The following ZNF727 variants were observed in gnomAD, a reference collection of about 807,000 sequenced individuals.
ZNF727 encodes putative zinc finger protein 727.
A neutral mutation model predicts 11.5 loss-of-function variants in ZNF727; 11 were observed. The observed-to-expected ratio is 0.95, with a 90% CI of 0.60 to 1.58. The LOEUF is 1.58. Among genes scored for constraint, ZNF727 ranks in the 40% most tolerant of loss-of-function variants. The probability of loss-of-function intolerance (pLI) is 0.00; values close to 1 mark genes in which losing one functional copy is unlikely to be tolerated. For synonymous variants in ZNF727, 171 were observed against 196.1 expected (o/e 0.87, Z 1.07); for missense variants, 533 against 581.7 (o/e 0.92, Z 0.86).
rs1447831074 is a variant in ZNF727 at position 64,082,060 on chromosome 7, C to G, written c.*3511C>G. On this transcript the variant is annotated 3_prime_UTR_variant, in exon 4 of 4. Transcript: ENST00000456806. ...CCCATGGAGGATGGACTGGCCCTCT[C>G]TCCTTGGGTAAACTACAGCTCGTTT... Among the ~76,000 whole-genome samples, 1 of 152,126 alleles carries G rather than the reference C, an allele frequency of 6.6e-6. No homozygotes were observed. Among genetic ancestry groups the G allele is most frequent in the Admixed American group, 6.5e-5 (1 of 15,268 alleles).
chr7:64,069,476 C>T lies in ZNF727; in HGVS notation c.131-38C>T, dbSNP rs1002842645. ...AGTACTAGATTGGTAATCAGATTAT[C>T]CTAGCAAGAGTCATGTTATTTTTTT... On this transcript the variant is annotated intron_variant, in intron 2 of 3. Coordinates refer to ENST00000456806, the MANE Select transcript of ZNF727 (RefSeq NM_001159522.3). The T allele has an allele frequency of 7.5e-6, 11 of 1,465,022 alleles. No homozygotes were observed. The East Asian group carries it at 2.7e-4, about 36-fold the overall frequency. 90.8% of individuals were successfully genotyped at this position (1,465,022 alleles called of 1,614,324 possible). A position where few individuals can be genotyped will look rare whatever the true frequency, so the allele number is the denominator to read the frequency against.
chr7:64,050,382 A>G (rs1473362807), intron 1 of ZNF727, among the ~76,000 whole-genome samples: 1 of 152,152 alleles, frequency 6.6e-6, no homozygotes, highest in Non-Finnish European at 1.5e-5. Context: ...CTGTTTACCC[A>G]CAACTTCCGG....
In ZNF727 at chr7:64,078,607, T is replaced by C; in HGVS notation, c.*58T>C. ...GAATGTGGAAAAGCTTTTACGTGGA[T>C]CTTGGCCCTTAGTAAACACAAGAGA... On this transcript the variant is annotated 3_prime_UTR_variant, in exon 4 of 4. Coordinates refer to ENST00000456806, the MANE Select transcript of ZNF727 (RefSeq NM_001159522.3). 1 of 1,513,576 alleles carries C rather than the reference T, an allele frequency of 6.6e-7. No homozygotes were observed. The highest frequency in any genetic ancestry group is 9.1e-7 in the Non-Finnish European group (1 of 1,103,510). The allele number at this position is 1,513,576 out of a possible 1,614,324, so 93.8% of individuals were successfully genotyped here. A position where few individuals can be genotyped will look rare whatever the true frequency, so the allele number is the denominator to read the frequency against.
Position 64,045,462 on chromosome 7 carries a change from C to T in ZNF727, c.-160C>T. ...CTCTTCAATATGGCAAGGCCTTCGT[C>T]TCCTAGCTTCTAGGCTCTGAGTCCA... is the stretch of plus-strand genomic sequence containing the variant. On this transcript the variant is annotated 5_prime_UTR_variant, in exon 1 of 4. Coordinates refer to ENST00000456806, the MANE Select transcript of ZNF727 (RefSeq NM_001159522.3). The T allele has an allele frequency of 9.5e-7, 1 of 1,049,058 alleles. No individual in the cohort carries two copies. The highest frequency in any genetic ancestry group is 1.4e-6 in the Non-Finnish European group (1 of 692,240). The allele number at this position is 1,049,058 out of a possible 1,614,324, so 65.0% of individuals were successfully genotyped here.
chr7:64,061,178 A>G (rs934143233), intron 1 of ZNF727, among the ~76,000 whole-genome samples: 3 of 152,134 alleles, frequency 2.0e-5, no homozygotes, highest in African/African-American at 4.8e-5. Context: ...GTAAATATCT[A>G]TTAGGTCTAT....
rs1465868085 is a variant in ZNF727, at chr7:64,067,417, A to G, written c.4-1474A>G. ...TACCCAAAGGATTATAAATTATTCT[A>G]CTATAAAGGCACATGCACATGTATG... On this transcript the variant is annotated intron_variant, in intron 1 of 3. Coordinates refer to ENST00000456806, the MANE Select transcript of ZNF727 (RefSeq NM_001159522.3). Among the ~76,000 whole-genome samples the G allele has an allele frequency of 3.3e-5, 5 of 152,162 alleles. 1 individual carries two copies. The South Asian group carries it at 6.2e-4, about 19-fold the overall frequency.
At position 64,078,464 on chromosome 7, in the gene ZNF727, G is replaced by A. The variant is rs1202561148; in HGVS notation, c.1415G>A (p.Arg472Lys). 7 of 1,570,968 alleles carry A rather than the reference G, an allele frequency of 4.5e-6. 1 individual carries two copies. Among genetic ancestry groups the A allele is most frequent in the South Asian group, 2.3e-5 (2 of 86,208 alleles). ...TCSSSLIKHKRSHTGDRPTSA... is the reference protein window; with the variant it reads ...TCSSSLIKHKKSHTGDRPTSA... ...TCCTCAAGCCTTATTAAACACAAGA[G>A]AAGTCATACTGGAGACAGACCTACA... Residue 472 changes from arginine (R) to lysine (K), a missense_variant, in exon 4 of 4, where the codon AGA becomes AAA. Physicochemically the swap from Arg to Lys is conservative, Grantham distance 26. This residue lies in a region of ZNF727 where 54 missense variants were observed against 48.6 expected (regional missense o/e 1.11). Transcript: ENST00000456806.
At chr7:64,046,679 C>T (rs1562788557) in intron 1 of ZNF727, among the ~76,000 whole-genome samples, 1 of 152,230 alleles carries the variant, frequency 6.6e-6, no homozygotes, top group Non-Finnish European at 1.5e-5. Flanking sequence ...CCAGTTAATC[C>T]TCTTTCTTAT....
At chr7:64,060,802 T>A (rs1245180854) in intron 1 of ZNF727, among the ~76,000 whole-genome samples, 6 of 152,182 alleles carry the variant, frequency 3.9e-5, no homozygotes, top group South Asian at 2.1e-4. Flanking sequence ...AGTTTTTTTT[T>A]AAACTTTTTT....
chr7:64,084,774 CTG>C lies in ZNF727; in HGVS notation c.*6227_*6228del, dbSNP rs1230806668. Among the ~76,000 whole-genome samples the C allele has an allele frequency of 1.3e-5, 2 of 152,038 alleles. No individual in the cohort carries two copies. The highest frequency in any genetic ancestry group is 1.9e-4 in the East Asian group (1 of 5,198). ...TCAATTTAAATATACAAATGTATCA[CTG>C]TAAAATAAACTTTAAGTGTAACAGA... On this transcript the variant is annotated 3_prime_UTR_variant, in exon 4 of 4. Transcript: ENST00000456806.
rs755762796 is a variant in ZNF727, at chr7:64,078,058, G to A, written c.1009G>A (p.Glu337Lys). 1.2e-6 allele frequency: 2 copies of A among 1,611,092 alleles called. No individual in the cohort carries two copies. The highest frequency in any genetic ancestry group is 2.7e-5 in the African/African-American group (2 of 74,704). ...TCAACATAACAGAATTCATACTGGA[G>A]AGAAACCCTACATTTGTGAAGAATG... ...LSQHNRIHTGEKPYICEECGK... is the reference protein window; with the variant it reads ...LSQHNRIHTGKKPYICEECGK... The change falls in exon 4 of 4, where the codon GAG becomes AAG. Residue 337 changes from glutamate (E) to lysine (K), a missense_variant. Coordinates refer to ENST00000456806, the MANE Select transcript of ZNF727 (RefSeq NM_001159522.3).
chr7:64,055,472 C>T (rs1263955511), intron 1 of ZNF727, among the ~76,000 whole-genome samples: 1 of 151,816 alleles, frequency 6.6e-6, no homozygotes, highest in African/African-American at 2.4e-5. Context: ...TGTTTTGCAA[C>T]CATAACCACC....
At chr7:64,048,924 AAGTT>A (rs1754447317) in intron 1 of ZNF727, among the ~76,000 whole-genome samples, 1 of 152,194 alleles carries the variant, frequency 6.6e-6, no homozygotes, top group African/African-American at 2.4e-5. Context: ...AGCCTGCAGA[AAGTT>A]AGAGAGAATT....
chr7:64,077,710 G>C lies in ZNF727; in HGVS notation c.661G>C (p.Val221Leu). 6.3e-7 allele frequency: 1 copy of C among 1,577,826 alleles called. No individual in the cohort carries two copies. Among genetic ancestry groups the C allele is most frequent in the South Asian group, 1.2e-5 (1 of 86,724 alleles). The stretch of plus-strand genomic sequence containing the variant: ...CTCAAACCTTACTGAACATAATAGA[G>C]TTCATACTGGAAAGAAACCCTACAA... ...KFSNLTEHNR[V>L]HTGKKPYKCE... is the part of the protein sequence containing the mutation. Residue 221 changes from valine to leucine, a missense_variant, in exon 4 of 4, where the codon GTT (valine) becomes CTT (leucine). Transcript: ENST00000456806.
chr7:64,070,010 T>G (rs1789936181), intron 3 of ZNF727, among the ~76,000 whole-genome samples: 1 of 152,096 alleles, frequency 6.6e-6, no homozygotes, highest in African/African-American at 2.4e-5. Flanking sequence ...TTTTGGATAA[T>G]GTCTAAATGT....
intron 1 of ZNF727, among the ~76,000 whole-genome samples, chr7:64,051,796 C>A (rs1259537939): frequency 6.6e-6 from 1 of 152,178 alleles, no homozygotes; most frequent in East Asian, 1.9e-4. Flanking sequence ...ACTTTGAAAT[C>A]TCTTACTAGA....
In ZNF727 at chr7:64,079,442, AT is replaced by A. The variant is rs139086634; in HGVS notation, c.*899del. 0.02 allele frequency among the ~76,000 whole-genome samples: 3,084 copies of A among 152,152 alleles called. 112 individuals are homozygous for A. Among genetic ancestry groups the A allele is most frequent in the African/African-American group, 0.07 (2,905 of 41,498 alleles). On this transcript the variant is annotated 3_prime_UTR_variant, in exon 4 of 4. Transcript: ENST00000456806. Reference sequence around the variant, plus strand: ...TAGCCCTTTACTATTATGTAATGCCATTTTTTGTCTTTTTAAAAAAATCTGT... The same window carrying A: ...TAGCCCTTTACTATTATGTAATGCCATTTTTGTCTTTTTAAAAAAATCTGT...
intron 1 of ZNF727, among the ~76,000 whole-genome samples, chr7:64,055,005 A>G (rs1013560528): frequency 2.0e-5 from 3 of 152,150 alleles, no homozygotes; most frequent in African/African-American, 4.8e-5. Flanking sequence ...TAGCTTTGGT[A>G]ATGTCATCTT....
At chr7:64,049,176 A>G (rs1789553594) in intron 1 of ZNF727, among the ~76,000 whole-genome samples, 1 of 152,144 alleles carries the variant, frequency 6.6e-6, no homozygotes. Context: ...AAAACCTTAT[A>G]AACAGATGTA....
Sources: gnomAD v4.1 joint callset for allele counts (sites outside exome capture counted in the v4.1 genomes callset) on GRCh38, gnomAD v4.1.1 for gene constraint, gnomAD v4.1.1 regional missense constraint, MANE v1.5 for transcripts, NCBI Gene and HGNC (gene_info 2026-07-23, HGNC 2026-07-21) for gene names.